TEX2: variants seen among roughly 807,000 people sequenced by gnomAD.
TEX2 encodes the protein testis expressed 2.
In TEX2, 53 loss-of-function variants were observed where a neutral mutation model predicts 106.9. The observed-to-expected ratio is 0.50, with a 90% CI of 0.40 to 0.62. The LOEUF is 0.62. Among genes scored for constraint, TEX2 ranks in the 20% least tolerant of loss-of-function variants. The probability of loss-of-function intolerance (pLI) is 0.00; values close to 1 mark genes in which losing one functional copy is unlikely to be tolerated. For missense variants in TEX2, 1,207 were observed against 1,379.0 expected, an observed-to-expected ratio of 0.88 and a Z score of 1.98; for synonymous variants, 523 against 534.8, an observed-to-expected ratio of 0.98 and a Z score of 0.30.
chr17:64,163,660 C>T (rs1321982439), intron 7 of TEX2, among the ~76,000 whole-genome samples: 3 of 152,148 alleles, frequency 2.0e-5, no homozygotes, highest in East Asian at 1.9e-4. Context: ...AAAGACCAAC[C>T]GGTTACGTGA....
intron 4 of TEX2, among the ~76,000 whole-genome samples, chr17:64,192,653 G>A (rs1441228588): frequency 6.6e-6 from 1 of 152,158 alleles, no homozygotes; most frequent in Non-Finnish European, 1.5e-5. Flanking sequence ...GGACTTCTTA[G>A]ATCTCAGTGC....
intron 1 of TEX2, among the ~76,000 whole-genome samples, chr17:64,215,581 C>T (rs1412946360): frequency 6.6e-6 from 1 of 152,160 alleles, no homozygotes; most frequent in African/African-American, 2.4e-5. Context: ...GCTTCTAGTA[C>T]TTGTCTTTCT....
chr17:64,180,539 C>T (rs1198947657), intron 5 of TEX2, among the ~76,000 whole-genome samples: 1 of 152,212 alleles, frequency 6.6e-6, no homozygotes, highest in Non-Finnish European at 1.5e-5. Context: ...CTGGATTCAA[C>T]AGCCTGCTAG....
rs374001570 is a variant in TEX2 at position 64,192,409 on chromosome 17, C to T, written c.2176+1150G>A. On this transcript the variant is annotated intron_variant, in intron 4 of 11. Transcript: ENST00000584379. Reference sequence around the variant, plus strand: ...AGGCCAGTGTGGAGTGATGCGGCTGCGGGCCAAGTATTGATGGTCACCACC... The same window carrying T: ...AGGCCAGTGTGGAGTGATGCGGCTGTGGGCCAAGTATTGATGGTCACCACC... 1.9e-4 allele frequency among the ~76,000 whole-genome samples: 29 copies of T among 152,284 alleles called. No individual in the cohort carries two copies. The South Asian group carries it at 3.1e-3, about 16-fold the overall frequency.
intron 7 of TEX2, among the ~76,000 whole-genome samples, chr17:64,164,343 C>T (rs1378670147): frequency 1.3e-5 from 2 of 151,820 alleles, no homozygotes; most frequent in Non-Finnish European, 2.9e-5. Flanking sequence ...TACGCTGAGG[C>T]ACGAGAATGG....
chr17:64,256,407 A>G (rs1461984502), intron 1 of TEX2, among the ~76,000 whole-genome samples: 1 of 152,104 alleles, frequency 6.6e-6, no homozygotes, highest in Non-Finnish European at 1.5e-5. Context: ...CTGCTACACT[A>G]TGCTGCCTTG....
At chr17:64,169,611 GA>G (rs1400615133) in intron 7 of TEX2, among the ~76,000 whole-genome samples, 1 of 152,170 alleles carries the variant, frequency 6.6e-6, no homozygotes, top group Non-Finnish European at 1.5e-5. Context: ...GTTGTCCACT[GA>G]AATATTGCTG....
chr17:64,219,181 T>C (rs2033277604), intron 1 of TEX2, among the ~76,000 whole-genome samples: 1 of 152,122 alleles, frequency 6.6e-6, no homozygotes, highest in Non-Finnish European at 1.5e-5. Flanking sequence ...TAGATTTGTT[T>C]TTACAAGTAT....
At chr17:64,220,312 G>T (rs768031280) in intron 1 of TEX2, among the ~76,000 whole-genome samples, 12 of 152,142 alleles carry the variant, frequency 7.9e-5, no homozygotes, top group Non-Finnish European at 1.5e-4. Context: ...ATTTCATGAT[G>T]AAAACGTCAA....
chr17:64,173,643 C>T (rs2031502915), intron 6 of TEX2, among the ~76,000 whole-genome samples: 1 of 152,126 alleles, frequency 6.6e-6, no homozygotes, highest in African/African-American at 2.4e-5. Context: ...GAACCTTTTT[C>T]CAAAGCATCA....
chr17:64,219,703 G>A (rs1189237170), intron 1 of TEX2, among the ~76,000 whole-genome samples: 1 of 152,014 alleles, frequency 6.6e-6, no homozygotes, highest in Non-Finnish European at 1.5e-5. Context: ...GAAGCAACAG[G>A]ACCAGATGGA....
chr17:64,214,125 T>G lies in TEX2; in HGVS notation c.93A>C (p.Arg31=). The G allele has an allele frequency of 6.2e-7, 1 of 1,614,176 alleles. No individual in the cohort carries two copies. The highest frequency in any genetic ancestry group is 1.1e-5 in the South Asian group (1 of 91,078). Residue 31 remains arginine (R), a synonymous_variant, in exon 2 of 12, where the codon CGA becomes CGC. Transcript: ENST00000584379. ...CCGAGAAGTGAATGGCGATGGTATC[T>G]CGGGACACGGACCTCTGCACGTGCA... is the stretch of plus-strand genomic sequence containing the variant. ...PKVHVQRSVS[R]DTIAIHFSAS...
At chr17:64,178,997 C>T (rs1015251447) in intron 5 of TEX2, among the ~76,000 whole-genome samples, 20 of 152,334 alleles carry the variant, frequency 1.3e-4, no homozygotes, top group African/African-American at 4.8e-4. Context: ...TCCGTGCACT[C>T]ATTCTGAAGC....
chr17:64,246,414 T>C (rs142483168), intron 1 of TEX2, among the ~76,000 whole-genome samples: 4,826 of 152,102 alleles, frequency 0.032, 130 homozygotes, highest in South Asian at 0.1. Context: ...GCTGGCTAAT[T>C]TTTGCATTTT....
intron 4 of TEX2, 66 bp downstream of exon 4, chr17:64,193,493 A>G: frequency 5.9e-5 from 63 of 1,060,310 alleles, no homozygotes; most frequent in Non-Finnish European, 7.7e-5. Context: ...CCTACCTGGC[A>G]TTCTTTCTCT....
intron 1 of TEX2, among the ~76,000 whole-genome samples, chr17:64,249,196 A>T (rs1289320285): frequency 1.3e-5 from 2 of 152,188 alleles, no homozygotes; most frequent in Non-Finnish European, 2.9e-5. Flanking sequence ...ACAGAAAAAC[A>T]TCGTTCAAAA....
Position 64,213,292 on chromosome 17 carries a change from A to C in TEX2, c.926T>G (p.Ile309Arg), listed in dbSNP as rs1555631961. The C allele has an allele frequency of 1.9e-6, 3 of 1,614,074 alleles. No individual in the cohort carries two copies. The South Asian group carries it at 3.3e-5, about 18-fold the overall frequency. Residue 309 changes from isoleucine to arginine, a missense_variant, in exon 2 of 12, where the codon ATA becomes AGA. By Grantham distance (97) the Ile-to-Arg change is moderately conservative (BLOSUM62 -3). This residue lies in a region of TEX2 where 1,067 missense variants were observed against 1,193.6 expected (regional missense o/e 0.89). Coordinates refer to ENST00000584379, the MANE Select transcript of TEX2 (RefSeq NM_001288732.2). The surrounding 1 kb of genome is among the most constrained non-coding windows in gnomAD (Gnocchi z 4.4). ...YEPFQLLSKI[I>R]GEESGSHRPK... ...CCTATGGCTGCCACTTTCTTCCCCT[A>C]TAATTTTACTAAGGAGCTGAAAAGG...
At chr17:64,222,503 C>T (rs1420436112) in intron 1 of TEX2, among the ~76,000 whole-genome samples, 3 of 122,508 alleles carry the variant, frequency 2.4e-5, no homozygotes, top group Admixed American at 2.0e-4. Context: ...GGCAACAGAG[C>T]GAGATTCCAA....
intron 6 of TEX2, among the ~76,000 whole-genome samples, chr17:64,171,967 G>C (rs1386014991): frequency 7.2e-6 from 1 of 138,124 alleles, no homozygotes; most frequent in Admixed American, 7.6e-5. Flanking sequence ...AGGACAGAGC[G>C]AGACTCTGCG....
Sources: allele counts gnomAD v4.1 joint callset (sites outside exome capture counted in the v4.1 genomes callset), GRCh38; gene constraint gnomAD v4.1.1; regional missense constraint gnomAD v4.1.1; non-coding constraint Gnocchi (gnomAD v3.1); transcripts MANE v1.5; gene names NCBI Gene and HGNC (gene_info 2026-07-23, HGNC 2026-07-21).